Variants in RNF144B observed in about 807,000 individuals in gnomAD.
RNF144B encodes E3 ubiquitin-protein ligase RNF144B.
A neutral mutation model predicts 40.2 loss-of-function variants in RNF144B; 25 were observed. That is an observed-to-expected ratio of 0.62 (90% CI 0.45 to 0.87). RNF144B has a LOEUF of 0.87. Among genes scored for constraint, RNF144B ranks in the 40% least tolerant of loss-of-function variants. The pLI, the probability that RNF144B is intolerant of heterozygous loss-of-function variation, is 0.00. For missense variants in RNF144B, 365 were observed against 373.7 expected, an observed-to-expected ratio of 0.98 and a Z score of 0.19; for synonymous variants, 145 against 136.3, an observed-to-expected ratio of 1.06 and a Z score of -0.44.
intron 1 of RNF144B, among the ~76,000 whole-genome samples, chr6:18,393,599 G>C (rs900569832): frequency 1.1e-4 from 17 of 152,194 alleles, no homozygotes; most frequent in Non-Finnish European, 5.9e-5. Flanking sequence ...ACATAATGCT[G>C]ATTTTCAGAT....
chr6:18,419,133 T>C lies in RNF144B; in HGVS notation c.166-8448T>C, dbSNP rs1795203182. On this transcript the variant is annotated intron_variant, in intron 2 of 7. Transcript: ENST00000259939. The surrounding 1 kb of genome is among the most constrained non-coding windows in gnomAD (Gnocchi z 4.6). Reference sequence around the variant, plus strand: ...GATGGACATTCAAGTTTGAGAAACATTGTCAGTAAGGTAGTTGAATAGTAA... The same window carrying C: ...GATGGACATTCAAGTTTGAGAAACACTGTCAGTAAGGTAGTTGAATAGTAA... 6.6e-6 allele frequency among the ~76,000 whole-genome samples: 1 copy of C among 152,094 alleles called. No homozygotes were observed. Among genetic ancestry groups the C allele is most frequent in the Non-Finnish European group, 1.5e-5 (1 of 68,012 alleles).
intron 2 of RNF144B, among the ~76,000 whole-genome samples, chr6:18,411,484 TATATATATATA>T (rs1327787151): frequency 0.013 from 501 of 37,376 alleles, 30 homozygotes; most frequent in South Asian, 0.087. Flanking sequence ...TATATATATA[TATATATATATA>T]TATTTTTTTT....
At chr6:18,399,765 A>G (rs1332871432) in intron 2 of RNF144B, 66 bp downstream of exon 2, 1 of 1,348,228 alleles carries the variant, frequency 7.4e-7, no homozygotes, top group African/African-American at 1.4e-5. Flanking sequence ...AGTAGGATAT[A>G]TTTCTGTGGT....
intron 4 of RNF144B, among the ~76,000 whole-genome samples, chr6:18,440,100 C>T (rs146069295): frequency 4.4e-4 from 67 of 152,198 alleles, no homozygotes; most frequent in Middle Eastern, 3.4e-3. Flanking sequence ...AAGATCACTT[C>T]GAAACATTAC....
intron 2 of RNF144B, among the ~76,000 whole-genome samples, chr6:18,415,215 G>A (rs879591589): frequency 3.3e-5 from 5 of 152,164 alleles, no homozygotes; most frequent in Admixed American, 6.6e-5. Flanking sequence ...GGGGCTGACC[G>A]TATACCAACT....
chr6:18,391,750 C>T (rs1311824548), intron 1 of RNF144B, among the ~76,000 whole-genome samples: 1 of 151,398 alleles, frequency 6.6e-6, no homozygotes, highest in African/African-American at 2.4e-5. Flanking sequence ...CGCCTGTAGT[C>T]CCAGCTACTC....
chr6:18,390,692 A>C (rs6921254), intron 1 of RNF144B, among the ~76,000 whole-genome samples: 1 of 152,026 alleles, frequency 6.6e-6, no homozygotes, highest in South Asian at 2.1e-4. Context: ...TGGGAAGATA[A>C]AACAAGACAA....
rs1279263364 is a variant in RNF144B at position 18,466,703 on chromosome 6, A to C, written c.*1636A>C. The C allele has an allele frequency of 1.3e-5, 2 of 152,662 alleles. No homozygotes were observed. Among genetic ancestry groups the C allele is most frequent in the East Asian group, 3.8e-4 (2 of 5,200 alleles). 9.5% of individuals were successfully genotyped at this position (152,662 alleles called of 1,614,324 possible). A position where few individuals can be genotyped will look rare whatever the true frequency, so the allele number is the denominator to read the frequency against. On this transcript the variant is annotated 3_prime_UTR_variant, in exon 8 of 8. Transcript: ENST00000259939. Reference sequence around the variant, plus strand: ...TTCTGAGGTAACTGGGTAATAGAATATCAAATTGCTGCTATCTCGGACCTA... The same window carrying C: ...TTCTGAGGTAACTGGGTAATAGAATCTCAAATTGCTGCTATCTCGGACCTA...
chr6:18,413,207 A>AT (rs76486773), intron 2 of RNF144B, among the ~76,000 whole-genome samples: 20,127 of 152,068 alleles, frequency 0.13, 1,792 homozygotes, highest in East Asian at 0.46. Flanking sequence ...TGGTTCCTAA[A>AT]TTTTTTTTGT....
intron 2 of RNF144B, among the ~76,000 whole-genome samples, chr6:18,411,908 T>C (rs898878117): frequency 6.6e-6 from 1 of 152,312 alleles, no homozygotes; most frequent in East Asian, 1.9e-4. Context: ...CATAGTACAT[T>C]GTGGACAAGT....
At position 18,399,618 on chromosome 6, in the gene RNF144B, C is replaced by G. The variant is rs1794761337; in HGVS notation, c.84C>G (p.Ile28Met). The G allele has an allele frequency of 1.9e-6, 3 of 1,614,168 alleles. No individual in the cohort carries two copies. The highest frequency in any genetic ancestry group is 2.5e-6 in the Non-Finnish European group (3 of 1,180,018). ...TPGDLAPAPLITCKLCLCEQS... is the reference protein window; with the variant it reads ...TPGDLAPAPLMTCKLCLCEQS... Reference sequence around the variant, plus strand: ...GAGACCTGGCTCCGGCCCCCCTCATCACTTGCAAACTCTGCCTGTGTGAGC... The same window carrying G: ...GAGACCTGGCTCCGGCCCCCCTCATGACTTGCAAACTCTGCCTGTGTGAGC... Residue 28 changes from isoleucine (I) to methionine (M), a missense_variant, in exon 2 of 8, where the codon ATC becomes ATG. Ile to Met is a conservative substitution (Grantham distance 10). Coordinates refer to ENST00000259939, the MANE Select transcript of RNF144B (RefSeq NM_182757.4).
chr6:18,417,349 C>T (rs1795163485), intron 2 of RNF144B, among the ~76,000 whole-genome samples: 1 of 152,126 alleles, frequency 6.6e-6, no homozygotes, highest in Admixed American at 6.5e-5. Context: ...GTAATCAAAA[C>T]ATTGTGATAC....
Position 18,419,672 on chromosome 6 carries a change from C to T in RNF144B, c.166-7909C>T, listed in dbSNP as rs541291985. Reference sequence around the variant, plus strand: ...AAGAAATGTGTACTGGATTCAGTGACCTAGAGCCACTTCAGTTGAGTGGCA... The same window carrying T: ...AAGAAATGTGTACTGGATTCAGTGATCTAGAGCCACTTCAGTTGAGTGGCA... On this transcript the variant is annotated intron_variant, in intron 2 of 7. Coordinates refer to ENST00000259939, the MANE Select transcript of RNF144B (RefSeq NM_182757.4). This position sits in a 1 kb window ranked among gnomAD's most constrained non-coding sequence, Gnocchi z 4.6. Among the ~76,000 whole-genome samples the T allele has an allele frequency of 4.5e-4, 68 of 152,156 alleles. No homozygotes were observed. The highest frequency in any genetic ancestry group is 1.5e-3 in the African/African-American group (63 of 41,514).
intron 4 of RNF144B, among the ~76,000 whole-genome samples, chr6:18,445,636 T>C (rs1759064949): frequency 6.6e-6 from 1 of 152,186 alleles, no homozygotes; most frequent in Non-Finnish European, 1.5e-5. Flanking sequence ...CTAAATCATG[T>C]ATAGTAATAT....
At chr6:18,417,934 G>A (rs1465916597) in intron 2 of RNF144B, among the ~76,000 whole-genome samples, 1 of 152,144 alleles carries the variant, frequency 6.6e-6, no homozygotes, top group African/African-American at 2.4e-5. Flanking sequence ...AGATAGTTCT[G>A]AATAGGGACT....
Position 18,425,161 on chromosome 6 carries a change from T to G in RNF144B, c.166-2420T>G, listed in dbSNP as rs1274970828. Among the ~76,000 whole-genome samples the G allele has an allele frequency of 6.6e-6, 1 of 152,202 alleles. No homozygotes were observed. The highest frequency in any genetic ancestry group is 1.9e-4 in the East Asian group (1 of 5,198). On this transcript the variant is annotated intron_variant, in intron 2 of 7. Coordinates refer to ENST00000259939, the MANE Select transcript of RNF144B (RefSeq NM_182757.4). This position sits in a 1 kb window ranked among gnomAD's most constrained non-coding sequence, Gnocchi z 4.2. ...AAGTCTAGGTCATAGGCTAAGTCAT[T>G]TTCCCATTGTCACCTAGTAAAGTGG...
chr6:18,407,241 A>G (rs753659086), intron 2 of RNF144B, among the ~76,000 whole-genome samples: 3 of 152,192 alleles, frequency 2.0e-5, no homozygotes, highest in Non-Finnish European at 4.4e-5. Context: ...CATAGAGAAT[A>G]AACTACAGGG....
At position 18,418,170 on chromosome 6, in the gene RNF144B, C is replaced by T. The variant is rs1470187632; in HGVS notation, c.166-9411C>T. Among the ~76,000 whole-genome samples the T allele has an allele frequency of 2.6e-5, 4 of 152,182 alleles. No individual in the cohort carries two copies. In the South Asian group the frequency reaches 6.2e-4, roughly 24 times the overall value. ...AAATGATGCAATTGCTTTGGAAAAT[C>T]ATCTAGCAGTTCCTCAAAAGGCAAA... On this transcript the variant is annotated intron_variant, in intron 2 of 7. Coordinates refer to ENST00000259939, the MANE Select transcript of RNF144B (RefSeq NM_182757.4). This position sits in a 1 kb window ranked among gnomAD's most constrained non-coding sequence, Gnocchi z 5.2.
At chr6:18,404,622 T>G (rs1794858638) in intron 2 of RNF144B, among the ~76,000 whole-genome samples, 1 of 152,198 alleles carries the variant, frequency 6.6e-6, no homozygotes, top group African/African-American at 2.4e-5. Context: ...GCAGTTAGGA[T>G]AGAGAGAAAT....
Sources: gnomAD v4.1 joint callset for allele counts (sites outside exome capture counted in the v4.1 genomes callset) on GRCh38, gnomAD v4.1.1 for gene constraint, Gnocchi (gnomAD v3.1) non-coding constraint, MANE v1.5 for transcripts, NCBI Gene and HGNC (gene_info 2026-07-23, HGNC 2026-07-21) for gene names.